Variants in GRID2 observed in about 807,000 individuals in gnomAD.
The protein encoded by GRID2 is glutamate receptor ionotropic, delta-2.
A neutral mutation model predicts 114.8 loss-of-function variants in GRID2; 33 were observed. The ratio of observed to expected loss-of-function variants is 0.29; its 90% CI spans 0.22 to 0.38. GRID2 has a LOEUF of 0.38. Among genes scored for constraint, GRID2 ranks in the 10% least tolerant of loss-of-function variants. The probability of loss-of-function intolerance (pLI) is 1.00; values close to 1 mark genes in which losing one functional copy is unlikely to be tolerated. For missense variants in GRID2, 1,184 were observed against 1,257.7 expected, an observed-to-expected ratio of 0.94 and a Z score of 0.89; for synonymous variants, 505 against 449.9, an observed-to-expected ratio of 1.12 and a Z score of -1.55.
chr4:93,126,023 G>A (rs1057293653), intron 4 of GRID2, among the ~76,000 whole-genome samples: 2 of 152,088 alleles, frequency 1.3e-5, no homozygotes, highest in Non-Finnish European at 2.9e-5. Flanking sequence ...ATTGTGAGAC[G>A]TACATCTACT....
At chr4:93,651,274 T>C (rs767502483) in intron 14 of GRID2, among the ~76,000 whole-genome samples, 2 of 152,202 alleles carry the variant, frequency 1.3e-5, no homozygotes, top group African/African-American at 4.8e-5. Context: ...CCACCAAAGA[T>C]GACCTTGTGT....
intron 14 of GRID2, among the ~76,000 whole-genome samples, chr4:93,761,517 T>TG (rs1330006101): frequency 1.3e-5 from 2 of 152,174 alleles, no homozygotes; most frequent in South Asian, 4.1e-4. Context: ...GGACACCATA[T>TG]GGGCCACAAA....
intron 1 of GRID2, among the ~76,000 whole-genome samples, chr4:92,456,946 A>G (rs1379647645): frequency 6.6e-6 from 1 of 152,116 alleles, no homozygotes; most frequent in Non-Finnish European, 1.5e-5. Flanking sequence ...TTAAATATTT[A>G]TCTTTCTCTT....
chr4:93,486,316 C>T (rs936838039), intron 11 of GRID2, among the ~76,000 whole-genome samples: 3 of 151,504 alleles, frequency 2.0e-5, no homozygotes, highest in African/African-American at 7.3e-5. Flanking sequence ...TTGTTTCATT[C>T]TTTCCAATTC....
chr4:92,615,197 T>C (rs544831002), intron 2 of GRID2, among the ~76,000 whole-genome samples: 2 of 151,666 alleles, frequency 1.3e-5, no homozygotes, highest in Admixed American at 6.6e-5. Flanking sequence ...TGGTCTTTCT[T>C]TGATACATAC....
At chr4:93,386,132 A>G (rs1462039815) in intron 8 of GRID2, among the ~76,000 whole-genome samples, 1 of 152,158 alleles carries the variant, frequency 6.6e-6, no homozygotes, top group Non-Finnish European at 1.5e-5. Flanking sequence ...GGCTGTCTGC[A>G]TGACCCTTGC....
At chr4:92,652,425 C>T (rs1021689787) in intron 2 of GRID2, among the ~76,000 whole-genome samples, 1 of 151,708 alleles carries the variant, frequency 6.6e-6, no homozygotes, top group African/African-American at 2.4e-5. Flanking sequence ...TATAAATATT[C>T]CCAGAACTTT....
intron 2 of GRID2, among the ~76,000 whole-genome samples, chr4:92,713,476 C>CATATATACATAT (rs1735366515): frequency 1.9e-5 from 1 of 54,040 alleles, no homozygotes; most frequent in Non-Finnish European, 3.4e-5. Context: ...TATACATATA[C>CATATATACATAT]ATATATATAT....
intron 2 of GRID2, among the ~76,000 whole-genome samples, chr4:92,799,858 C>T (rs1740070571): frequency 6.6e-6 from 1 of 151,964 alleles, no homozygotes; most frequent in African/African-American, 2.4e-5. Context: ...AAGTTATTCT[C>T]TACTCAGCAT....
intron 1 of GRID2, among the ~76,000 whole-genome samples, chr4:92,448,841 CT>C (rs1720731734): frequency 6.6e-6 from 1 of 151,974 alleles, no homozygotes; most frequent in African/African-American, 2.4e-5. Context: ...TTTAAAGGAA[CT>C]AATACATAAA....
chr4:92,633,626 G>T (rs1262259192), intron 2 of GRID2, among the ~76,000 whole-genome samples: 1 of 152,062 alleles, frequency 6.6e-6, no homozygotes, highest in African/African-American at 2.4e-5. Flanking sequence ...AAGGATTTCT[G>T]ATTATCTCAG....
At chr4:92,655,011 A>C (rs62309205) in intron 2 of GRID2, among the ~76,000 whole-genome samples, 9,301 of 151,950 alleles carry the variant, frequency 0.061, 366 homozygotes, top group East Asian at 0.16. Flanking sequence ...TCTTATAGTA[A>C]TTTTATAAAT....
At chr4:93,117,269 C>T (rs1451011039) in intron 4 of GRID2, among the ~76,000 whole-genome samples, 3 of 151,810 alleles carry the variant, frequency 2.0e-5, no homozygotes, top group African/African-American at 7.3e-5. Flanking sequence ...ATAATGGCGA[C>T]ATTAGTTGCC....
chr4:93,294,020 AGATG>A (rs1274246543), intron 8 of GRID2, among the ~76,000 whole-genome samples: 1 of 152,240 alleles, frequency 6.6e-6, no homozygotes, highest in Non-Finnish European at 1.5e-5. Context: ...GATAGTGAAT[AGATG>A]AAGGGAAAGT....
chr4:93,096,394 T>G (rs915319502), intron 3 of GRID2, among the ~76,000 whole-genome samples: 1 of 151,920 alleles, frequency 6.6e-6, no homozygotes, highest in Admixed American at 6.6e-5. Flanking sequence ...CATTAAGAAA[T>G]AGACAAACTA....
Position 93,751,935 on chromosome 4 carries a change from G to A in GRID2, c.2361-17275G>A, listed in dbSNP as rs1732355717. 2.0e-5 allele frequency among the ~76,000 whole-genome samples: 3 copies of A among 152,046 alleles called. No homozygotes were observed. In the South Asian group the frequency reaches 6.2e-4, roughly 32 times the overall value. The stretch of plus-strand genomic sequence containing the variant: ...CCCAATACTGCATGCTATGATTTTG[G>A]GGAGGACACATTCAGGCCATTGCAC... On this transcript the variant is annotated intron_variant, in intron 14 of 15. Transcript: ENST00000282020.
At chr4:93,280,278 C>T (rs186936492) in intron 8 of GRID2, among the ~76,000 whole-genome samples, 1 of 152,026 alleles carries the variant, frequency 6.6e-6, no homozygotes, top group East Asian at 1.9e-4. Flanking sequence ...CTGGTCAACA[C>T]GTTTAATAGT....
intron 2 of GRID2, among the ~76,000 whole-genome samples, chr4:92,931,002 T>G (rs559689671): frequency 1.3e-5 from 2 of 151,022 alleles, no homozygotes; most frequent in East Asian, 3.9e-4. Flanking sequence ...GGAAACACTT[T>G]CCAATGTGTT....
chr4:93,275,073 C>A (rs1489658102), intron 8 of GRID2, among the ~76,000 whole-genome samples: 1 of 151,876 alleles, frequency 6.6e-6, no homozygotes, highest in East Asian at 1.9e-4. Flanking sequence ...CCCCCGACTT[C>A]CCCCTTTTCT....
Sources: allele counts gnomAD v4.1 joint callset (sites outside exome capture counted in the v4.1 genomes callset), GRCh38; gene constraint gnomAD v4.1.1; transcripts MANE v1.5; gene names NCBI Gene and HGNC (gene_info 2026-07-23, HGNC 2026-07-21).